LRP1B: variants seen among roughly 807,000 people sequenced by gnomAD.
The protein encoded by LRP1B is low-density lipoprotein receptor-related protein 1B.
Under a neutral mutation model 556.6 loss-of-function variants are expected in LRP1B, and 217 were observed. The ratio of observed to expected loss-of-function variants is 0.39; its 90% CI spans 0.35 to 0.44. LRP1B has a LOEUF of 0.44. Ranked by LOEUF, LRP1B falls within the 20% of genes least tolerant of loss-of-function variation. LRP1B has a pLI of 1.00. For missense variants in LRP1B, 5,053 were observed against 5,620.8 expected (o/e 0.90, Z 3.23); for synonymous variants, 2,047 against 1,865.8 (o/e 1.10, Z -2.50).
intron 35 of LRP1B, among the ~76,000 whole-genome samples, chr2:140,738,141 C>T (rs1688010350): frequency 6.6e-6 from 1 of 152,122 alleles, no homozygotes. Flanking sequence ...GAACCACAAG[C>T]TGCAGCTCTT....
intron 1 of LRP1B, among the ~76,000 whole-genome samples, chr2:141,997,957 T>A (rs1257232178): frequency 6.6e-6 from 1 of 152,158 alleles, no homozygotes; most frequent in Admixed American, 6.5e-5. Context: ...CTTGCTTTTG[T>A]ATCGCATTAC....
chr2:140,894,495 A>T (rs985388147), intron 23 of LRP1B, among the ~76,000 whole-genome samples: 1 of 151,070 alleles, frequency 6.6e-6, no homozygotes, highest in Non-Finnish European at 1.5e-5. Flanking sequence ...GAACTGAAAA[A>T]ATCAAAGATA....
intron 86 of LRP1B, chr2:140,269,307 C>G (rs999794984): frequency 2.1e-6 from 1 of 470,950 alleles, no homozygotes; most frequent in Admixed American, 2.4e-5. Context: ...AGTGCAAATC[C>G]CCTCATTCTG....
chr2:141,163,453 G>T (rs1295161843), intron 7 of LRP1B, among the ~76,000 whole-genome samples: 1 of 151,998 alleles, frequency 6.6e-6, no homozygotes, highest in African/African-American at 2.4e-5. Flanking sequence ...ATTTACACTG[G>T]ATTGCATAAG....
chr2:141,304,815 T>A (rs1686527130), intron 3 of LRP1B, among the ~76,000 whole-genome samples: 1 of 152,100 alleles, frequency 6.6e-6, no homozygotes, highest in Non-Finnish European at 1.5e-5. Flanking sequence ...TTCATTCTTT[T>A]GAATATGAAT....
intron 2 of LRP1B, among the ~76,000 whole-genome samples, chr2:141,709,303 T>G (rs749014110): frequency 2.0e-5 from 3 of 151,598 alleles, no homozygotes; most frequent in Non-Finnish European, 4.4e-5. Flanking sequence ...GAGCCAAGAC[T>G]GCACCATTGC....
At chr2:141,065,846 G>C (rs1699466684) in intron 7 of LRP1B, among the ~76,000 whole-genome samples, 1 of 151,778 alleles carries the variant, frequency 6.6e-6, no homozygotes, top group Non-Finnish European at 1.5e-5. Context: ...CCCCGCACCA[G>C]GAACCAAGGG....
At chr2:140,307,465 C>T (rs955644044) in intron 83 of LRP1B, among the ~76,000 whole-genome samples, 1 of 151,706 alleles carries the variant, frequency 6.6e-6, no homozygotes, top group South Asian at 2.1e-4. Context: ...ATATAAAATC[C>T]TATTGCTCAT....
chr2:141,821,622 C>T (rs991289160), intron 1 of LRP1B, among the ~76,000 whole-genome samples: 4 of 152,102 alleles, frequency 2.6e-5, no homozygotes, highest in African/African-American at 9.7e-5. Context: ...AGTGTGTATA[C>T]ATGTTTTTAT....
intron 2 of LRP1B, among the ~76,000 whole-genome samples, chr2:141,483,344 G>T (rs12994255): frequency 0.11 from 16,390 of 149,224 alleles, 1,012 homozygotes; most frequent in African/African-American, 0.15. Context: ...TGCCACATTT[G>T]CTTAATCCAG....
At chr2:140,422,307 C>T (rs1436368220) in intron 66 of LRP1B, among the ~76,000 whole-genome samples, 1 of 152,132 alleles carries the variant, frequency 6.6e-6, no homozygotes, top group Non-Finnish European at 1.5e-5. Flanking sequence ...AAGATGGTGT[C>T]ATAGAAGTTG....
intron 2 of LRP1B, among the ~76,000 whole-genome samples, chr2:141,650,397 A>G (rs564596276): frequency 6.6e-6 from 1 of 152,288 alleles, no homozygotes; most frequent in South Asian, 2.1e-4. Context: ...TGAGGAATCA[A>G]GAGAGGCAGC....
chr2:141,345,388 T>A (rs570326338), intron 3 of LRP1B, among the ~76,000 whole-genome samples: 2 of 152,236 alleles, frequency 1.3e-5, no homozygotes, highest in South Asian at 4.1e-4. Flanking sequence ...TTCTCTCCAG[T>A]GTTTTTAAAT....
At chr2:140,635,777 T>C (rs960503739) in intron 41 of LRP1B, among the ~76,000 whole-genome samples, 25 of 152,110 alleles carry the variant, frequency 1.6e-4, no homozygotes, top group Admixed American at 5.9e-4. Context: ...GTGTACATTT[T>C]ATTTTCTGGA....
chr2:140,518,027 G>T (rs539274945), intron 49 of LRP1B, among the ~76,000 whole-genome samples: 1 of 151,856 alleles, frequency 6.6e-6, no homozygotes, highest in South Asian at 2.1e-4. Flanking sequence ...TCTTTTAACT[G>T]GGTGTCATCT....
chr2:140,322,815 CT>C (rs1292765668), intron 81 of LRP1B, among the ~76,000 whole-genome samples: 1 of 151,844 alleles, frequency 6.6e-6, no homozygotes, highest in Non-Finnish European at 1.5e-5. Flanking sequence ...ATGAGAGTGG[CT>C]TTTTTTCTGG....
intron 2 of LRP1B, among the ~76,000 whole-genome samples, chr2:141,775,516 G>A (rs1695035016): frequency 6.6e-6 from 1 of 152,088 alleles, no homozygotes; most frequent in Non-Finnish European, 1.5e-5. Context: ...TTATATCTTT[G>A]TAAAGAAATA....
intron 9 of LRP1B, among the ~76,000 whole-genome samples, chr2:141,056,871 G>A (rs1326762709): frequency 6.6e-6 from 1 of 151,816 alleles, no homozygotes; most frequent in Non-Finnish European, 1.5e-5. Flanking sequence ...AACATTTAAA[G>A]TAACTCATGA....
chr2:140,717,751 C>A (rs1180202699), intron 35 of LRP1B, among the ~76,000 whole-genome samples: 1 of 152,040 alleles, frequency 6.6e-6, no homozygotes, highest in Non-Finnish European at 1.5e-5. Flanking sequence ...GGCACACTGA[C>A]AGACTATGAA....
Sources: gnomAD v4.1 joint callset for allele counts (sites outside exome capture counted in the v4.1 genomes callset) on GRCh38, gnomAD v4.1.1 for gene constraint, MANE v1.5 for transcripts, NCBI Gene and HGNC (gene_info 2026-07-23, HGNC 2026-07-21) for gene names.